The following DIAPH2 variants were observed in gnomAD, a reference collection of about 807,000 sequenced individuals.
DIAPH2 encodes the protein protein diaphanous homolog 2.
DIAPH2 carries 35 observed loss-of-function variants against 92.7 expected under a neutral mutation model. The observed-to-expected ratio is 0.38, with a 90% CI of 0.29 to 0.50. The LOEUF (loss-of-function observed/expected upper bound fraction) is 0.50. DIAPH2 is among the 20% of genes least tolerant of loss of function. The pLI is 0.94. For missense variants in DIAPH2, 701 were observed against 819.5 expected (o/e 0.86, Z 1.77); for synonymous variants, 301 against 280.4 (o/e 1.07, Z -0.73).
At chrX:97,329,864 AT>A (rs1485213695) in intron 23 of DIAPH2, among the ~76,000 whole-genome samples, 176 of 99,236 alleles carry the variant, frequency 1.8e-3, no homozygotes, top group African/African-American at 5.2e-3. Flanking sequence ...ATCTATTGGC[AT>A]TTTTTCTGCC....
At chrX:96,853,698 C>T (rs776921636) in intron 4 of DIAPH2, among the ~76,000 whole-genome samples, 1 of 111,989 alleles carries the variant, frequency 8.9e-6, no homozygotes, top group South Asian at 3.7e-4. Context: ...CTTTCTTAAG[C>T]ATTATGAATA....
At chrX:96,956,199 C>G (rs369180931) in intron 15 of DIAPH2, among the ~76,000 whole-genome samples, 1 of 113,071 alleles carries the variant, frequency 8.8e-6, no homozygotes, top group Non-Finnish European at 1.9e-5. Context: ...GTTGCCAAAG[C>G]TTGGGGCTTG....
At chrX:97,187,181 A>C (rs1468310438) in intron 22 of DIAPH2, among the ~76,000 whole-genome samples, 1 of 108,339 alleles carries the variant, frequency 9.2e-6, no homozygotes, top group Admixed American at 1.0e-4. Context: ...TTGTAATAAC[A>C]GGGAATATGG....
intron 4 of DIAPH2, among the ~76,000 whole-genome samples, chrX:96,851,318 G>A (rs970665371): frequency 1.6e-4 from 18 of 111,274 alleles, no homozygotes; most frequent in Non-Finnish European, 2.6e-4. Context: ...GCCCAGGCTG[G>A]TCTTGAACTC....
rs780097829 is a variant in DIAPH2 at position 97,432,353 on chromosome X, G to A, written c.3241+2608G>A. ...CCTGTTGCCCAGGCTGGAGTACAGT[G>A]GTGCGATCTCGGCCCACTGCAACCT... On this transcript the variant is annotated intron_variant, in intron 26 of 26. Coordinates refer to ENST00000324765, the MANE Select transcript of DIAPH2 (RefSeq NM_006729.5). Among the ~76,000 whole-genome samples, 12 of 109,811 alleles carry A rather than the reference G, an allele frequency of 1.1e-4. No individual in the cohort carries two copies. In the South Asian group the frequency reaches 4.8e-3, roughly 44 times the overall value.
chrX:97,338,307 C>G (rs1196632174), intron 23 of DIAPH2, among the ~76,000 whole-genome samples: 5 of 111,921 alleles, frequency 4.5e-5, no homozygotes, highest in Non-Finnish European at 9.4e-5. Context: ...AAATACTTGT[C>G]AATGCATATT....
chrX:97,112,726 C>T (rs1471276957), intron 20 of DIAPH2, among the ~76,000 whole-genome samples: 1 of 102,156 alleles, frequency 9.8e-6, no homozygotes, highest in Non-Finnish European at 2.0e-5. Context: ...ACCATTCTCT[C>T]TCTTTACTCC....
At chrX:96,746,101 A>G (rs1167402760) in intron 3 of DIAPH2, among the ~76,000 whole-genome samples, 2 of 110,644 alleles carry the variant, frequency 1.8e-5, no homozygotes, top group Non-Finnish European at 3.8e-5. Flanking sequence ...AGGTTTTGCC[A>G]TGTTGCCCAA....
intron 26 of DIAPH2, among the ~76,000 whole-genome samples, chrX:97,542,495 A>C (rs1166165340): frequency 8.9e-6 from 1 of 112,499 alleles, no homozygotes; most frequent in Non-Finnish European, 1.9e-5. Flanking sequence ...AGGTTTGATC[A>C]TTTAATCCCA....
intron 5 of DIAPH2, among the ~76,000 whole-genome samples, chrX:96,907,942 G>A (rs2065443842): frequency 8.9e-6 from 1 of 111,755 alleles, no homozygotes; most frequent in Non-Finnish European, 1.9e-5. Flanking sequence ...ACAAGGAATG[G>A]AATACTAATA....
At chrX:97,527,783 CTG>C (rs1034216536) in intron 26 of DIAPH2, among the ~76,000 whole-genome samples, 17 of 112,001 alleles carry the variant, frequency 1.5e-4, no homozygotes, top group African/African-American at 5.2e-4. Context: ...TAGATGGAGA[CTG>C]TGTGAAATCT....
At chrX:96,810,950 T>G (rs761470683) in intron 4 of DIAPH2, among the ~76,000 whole-genome samples, 1 of 111,836 alleles carries the variant, frequency 8.9e-6, no homozygotes, top group African/African-American at 3.2e-5. Context: ...AGTCAGGTAG[T>G]GTGATGCCTC....
At chrX:96,959,116 C>T (rs889767027) in intron 16 of DIAPH2, among the ~76,000 whole-genome samples, 1 of 111,325 alleles carries the variant, frequency 9.0e-6, no homozygotes, top group African/African-American at 3.3e-5. Context: ...ACTCAGTGGT[C>T]AGATTACAGC....
At chrX:96,994,342 A>G (rs1040491681) in intron 17 of DIAPH2, among the ~76,000 whole-genome samples, 1 of 111,961 alleles carries the variant, frequency 8.9e-6, no homozygotes, top group African/African-American at 3.2e-5. Flanking sequence ...TCATGCAGCA[A>G]GTTGGATGAC....
intron 20 of DIAPH2, among the ~76,000 whole-genome samples, chrX:97,100,813 A>C (rs764457913): frequency 4.1e-4 from 46 of 112,028 alleles, no homozygotes; most frequent in African/African-American, 1.4e-3. Flanking sequence ...TTTAAAGTCA[A>C]ACTGTGCTAG....
intron 23 of DIAPH2, among the ~76,000 whole-genome samples, chrX:97,274,270 G>A (rs767984155): frequency 9.1e-6 from 1 of 110,372 alleles, no homozygotes; most frequent in African/African-American, 3.3e-5. Flanking sequence ...AGCAATTTGG[G>A]AGGCTGAGGC....
intron 1 of DIAPH2, among the ~76,000 whole-genome samples, chrX:96,722,359 A>G (rs2147551126): frequency 9.6e-6 from 1 of 104,375 alleles, no homozygotes; most frequent in African/African-American, 3.5e-5. Context: ...TCCGTCTTAG[A>G]AAAAAAAAAA....
chrX:97,510,042 T>A (rs1362268195), intron 26 of DIAPH2, among the ~76,000 whole-genome samples: 6 of 111,156 alleles, frequency 5.4e-5, no homozygotes, highest in African/African-American at 2.0e-4. Context: ...GTTGGCTGGA[T>A]CAAATGGTAT....
At chrX:97,063,192 T>C (rs1228686195) in intron 17 of DIAPH2, among the ~76,000 whole-genome samples, 1 of 111,681 alleles carries the variant, frequency 9.0e-6, no homozygotes, top group African/African-American at 3.3e-5. Context: ...TTGAAACCAG[T>C]TGGAATCCAA....
Sources: allele counts gnomAD v4.1 joint callset (sites outside exome capture counted in the v4.1 genomes callset), GRCh38; gene constraint gnomAD v4.1.1; transcripts MANE v1.5; gene names NCBI Gene and HGNC (gene_info 2026-07-23, HGNC 2026-07-21).